TRPM3: variants seen among roughly 807,000 people sequenced by gnomAD.
The protein encoded by TRPM3 is transient receptor potential cation channel subfamily M member 3, also known as long transient receptor potential channel 3.
TRPM3 carries 77 observed loss-of-function variants against 181.2 expected under a neutral mutation model. The observed-to-expected ratio is 0.42, with a 90% confidence interval of 0.35 to 0.51. The LOEUF (loss-of-function observed/expected upper bound fraction) is 0.51, where lower values mean the gene tolerates loss of function less well. Ranked by LOEUF, TRPM3 falls within the 20% of genes least tolerant of loss-of-function variation. The probability of loss-of-function intolerance (pLI) is 0.01; values close to 1 mark genes in which losing one functional copy is unlikely to be tolerated. For synonymous variants in TRPM3, 745 were observed against 796.4 expected (o/e 0.94, Z 1.09); for missense variants, 1,759 against 2,196.7 (o/e 0.80, Z 3.98).
intron 1 of TRPM3, among the ~76,000 whole-genome samples, chr9:71,326,732 T>C (rs182843377): frequency 7.2e-5 from 11 of 152,266 alleles, no homozygotes; most frequent in Admixed American, 5.9e-4. Context: ...ACAGGAGACA[T>C]AGGAGCCAGC....
chr9:71,010,974 A>G (rs1024716350), intron 1 of TRPM3, among the ~76,000 whole-genome samples: 1 of 151,752 alleles, frequency 6.6e-6, no homozygotes, highest in South Asian at 2.1e-4. Flanking sequence ...AATAGTATTC[A>G]GCCATAAAAC....
At chr9:71,409,062 C>T (rs553545324) in intron 1 of TRPM3, among the ~76,000 whole-genome samples, 38 of 152,146 alleles carry the variant, frequency 2.5e-4, no homozygotes, top group Non-Finnish European at 5.1e-4. Context: ...AAATGCTGAG[C>T]GATTTTGTCA....
At chr9:71,182,527 A>G (rs2077461801) in intron 1 of TRPM3, among the ~76,000 whole-genome samples, 1 of 152,166 alleles carries the variant, frequency 6.6e-6, no homozygotes, top group Non-Finnish European at 1.5e-5. Context: ...CTTCATAAGT[A>G]TCTATCAAAA....
At chr9:70,623,271 T>A (rs971677861) in intron 14 of TRPM3, among the ~76,000 whole-genome samples, 5 of 150,260 alleles carry the variant, frequency 3.3e-5, no homozygotes, top group African/African-American at 4.9e-5. Flanking sequence ...GAGGCTGAGG[T>A]AGGAGAATTG....
At chr9:71,394,205 T>C (rs1488033891) in intron 1 of TRPM3, among the ~76,000 whole-genome samples, 2 of 152,186 alleles carry the variant, frequency 1.3e-5, no homozygotes, top group Non-Finnish European at 2.9e-5. Flanking sequence ...TGGCCATTTA[T>C]AGTAAATATT....
At chr9:70,923,976 AATCT>A (rs997870426) in intron 1 of TRPM3, among the ~76,000 whole-genome samples, 36 of 151,228 alleles carry the variant, frequency 2.4e-4, no homozygotes, top group African/African-American at 4.1e-4. Flanking sequence ...ATATACACAC[AATCT>A]ATCTATCTAT....
chr9:70,972,050 C>T (rs575201268), intron 1 of TRPM3, among the ~76,000 whole-genome samples: 3 of 152,108 alleles, frequency 2.0e-5, no homozygotes, highest in African/African-American at 7.2e-5. Flanking sequence ...AAATGTTAAC[C>T]AGAGTTATAT....
At chr9:71,339,512 A>G (rs1171018066) in intron 1 of TRPM3, among the ~76,000 whole-genome samples, 2 of 16,702 alleles carry the variant, frequency 1.2e-4, no homozygotes, top group Non-Finnish European at 4.0e-4. Context: ...TCTGAAATAG[A>G]CTCAATAACA....
chr9:71,415,674 CTT>C (rs1200390783), intron 1 of TRPM3, among the ~76,000 whole-genome samples: 1 of 151,958 alleles, frequency 6.6e-6, no homozygotes, highest in Non-Finnish European at 1.5e-5. Context: ...CTAATTCCCA[CTT>C]ATAAAATGTT....
rs1279141026 is a variant in TRPM3, at chr9:70,530,092, A to T, written c.*5861T>A. The T allele has an allele frequency of 6.6e-6, 1 of 152,264 alleles. No homozygotes were observed. Among genetic ancestry groups the T allele is most frequent in the Non-Finnish European group, 1.5e-5 (1 of 68,088 alleles). 9.4% of individuals were successfully genotyped at this position (152,264 alleles called of 1,614,324 possible). A position where few individuals can be genotyped will look rare whatever the true frequency, so the allele number is the denominator to read the frequency against. On this transcript the variant is annotated 3_prime_UTR_variant, in exon 26 of 26. Transcript: ENST00000677713. Reference sequence around the variant, plus strand: ...GAGAGGCAAAAATTGGACGAGGTCAATGTGAACACCAGCCGGGGTAGAGGC... The same window carrying T: ...GAGAGGCAAAAATTGGACGAGGTCATTGTGAACACCAGCCGGGGTAGAGGC...
chr9:70,831,275 C>T (rs2093878600), intron 5 of TRPM3, among the ~76,000 whole-genome samples: 1 of 151,784 alleles, frequency 6.6e-6, no homozygotes, highest in Non-Finnish European at 1.5e-5. Context: ...GTTATGCTTT[C>T]CAAATTAAAA....
At position 70,533,687 on chromosome 9, in the gene TRPM3, A is replaced by G. The variant is rs2041206933; in HGVS notation, c.*2266T>C. 1 of 152,148 alleles carries G rather than the reference A, an allele frequency of 6.6e-6. No individual in the cohort carries two copies. Among genetic ancestry groups the G allele is most frequent in the African/African-American group, 2.4e-5 (1 of 41,424 alleles). 9.4% of individuals were successfully genotyped at this position (152,148 alleles called of 1,614,324 possible). A position where few individuals can be genotyped will look rare whatever the true frequency, so the allele number is the denominator to read the frequency against. On this transcript the variant is annotated 3_prime_UTR_variant, in exon 26 of 26. Transcript: ENST00000677713. ...GTTTAAGAACGACTGATTTATTCTC[A>G]GACCCAGTGCATGTTTGCTGAGAGG...
rs79210893 is a variant in TRPM3 at position 71,037,847 on chromosome 9, A to G, written c.177+83331T>C. Among the ~76,000 whole-genome samples the G allele has an allele frequency of 7.1e-4, 108 of 152,358 alleles. No individual in the cohort carries two copies. In the East Asian group the frequency reaches 0.015, roughly 22 times the overall value. Reference sequence around the variant, plus strand: ...GTTCTATCAAGTATGGATGCCACAGATAAGAGTCCTAATCAAGAAAAACCT... The same window carrying G: ...GTTCTATCAAGTATGGATGCCACAGGTAAGAGTCCTAATCAAGAAAAACCT... On this transcript the variant is annotated intron_variant, in intron 1 of 25. Coordinates refer to ENST00000677713, the MANE Select transcript of TRPM3 (RefSeq NM_001366145.2).
intron 1 of TRPM3, among the ~76,000 whole-genome samples, chr9:70,939,297 A>G (rs1333985900): frequency 6.6e-6 from 1 of 152,246 alleles, no homozygotes; most frequent in Non-Finnish European, 1.5e-5. Flanking sequence ...AAGGTGAGCA[A>G]GAGGTTCTAC....
At chr9:71,321,788 T>G (rs1345351183) in intron 1 of TRPM3, among the ~76,000 whole-genome samples, 1 of 152,120 alleles carries the variant, frequency 6.6e-6, no homozygotes, top group African/African-American at 2.4e-5. Context: ...CAAATACTTA[T>G]TGAGCAATTA....
intron 11 of TRPM3, among the ~76,000 whole-genome samples, chr9:70,635,462 A>ATTTTTTTTT (rs71505401): frequency 2.7e-5 from 3 of 113,126 alleles, no homozygotes; most frequent in Non-Finnish European, 3.4e-5. Flanking sequence ...TTTGTCAGTG[A>ATTTTTTTTT]TTTTTTTTTT....
chr9:71,266,799 C>T (rs1172850921), intron 1 of TRPM3, among the ~76,000 whole-genome samples: 1 of 152,056 alleles, frequency 6.6e-6, no homozygotes, highest in Non-Finnish European at 1.5e-5. Flanking sequence ...CTGGTAATCA[C>T]CATTCTTCTC....
chr9:71,038,758 G>C (rs1455546264), intron 1 of TRPM3, among the ~76,000 whole-genome samples: 1 of 152,092 alleles, frequency 6.6e-6, no homozygotes. Flanking sequence ...GTCAGGGAAA[G>C]CTTTCTGCAG....
At chr9:70,899,130 G>C (rs369101449) in intron 1 of TRPM3, among the ~76,000 whole-genome samples, 6 of 152,274 alleles carry the variant, frequency 3.9e-5, no homozygotes, top group Middle Eastern at 3.4e-3. Context: ...GATATCTTTG[G>C]AACCAAAATG....
Sources: gnomAD v4.1 joint callset for allele counts (sites outside exome capture counted in the v4.1 genomes callset) on GRCh38, gnomAD v4.1.1 for gene constraint, MANE v1.5 for transcripts, NCBI Gene and HGNC (gene_info 2026-07-23, HGNC 2026-07-21) for gene names.